The following TTN variants were observed in gnomAD, a reference collection of about 807,000 sequenced individuals.
TTN encodes the protein titin, also known as connectin.
A neutral mutation model predicts 3,223.0 loss-of-function variants in TTN; 1,525 were observed. The observed-to-expected ratio is 0.47, with a 90% CI of 0.45 to 0.49. The LOEUF (loss-of-function observed/expected upper bound fraction) is 0.49, where lower values mean the gene tolerates loss of function less well. TTN is among the 20% of genes least tolerant of loss of function. The pLI is 0.00. For missense variants in TTN, 40,786 were observed against 43,424.0 expected, an observed-to-expected ratio of 0.94 and a Z score of 5.40; for synonymous variants, 14,094 against 15,161.0, an observed-to-expected ratio of 0.93 and a Z score of 5.17.
At position 178,766,590 on chromosome 2, in the gene TTN, A is replaced by C; in HGVS notation, c.9494T>G (p.Val3165Gly). 1 of 1,613,956 alleles carries C rather than the reference A, an allele frequency of 6.2e-7. No individual in the cohort carries two copies. The highest frequency in any genetic ancestry group is 8.5e-7 in the Non-Finnish European group (1 of 1,179,912). The change falls in exon 41 of 363, where the codon GTT becomes GGT. Residue 3165 changes from valine to glycine, a missense_variant. Coordinates refer to ENST00000589042, the MANE Select transcript of TTN (RefSeq NM_001267550.2). ...GTCTTCATTGACCTCAAATTCAACAACAGCACGCTGTTTCTCAATGACCTG... is the reference window on the plus strand; with the variant it reads ...GTCTTCATTGACCTCAAATTCAACACCAGCACGCTGTTTCTCAATGACCTG... ...EVQVIEKQRA[V>G]VEFEVNEDDV...
Position 178,751,901 on chromosome 2 carries a change from T to C in TTN, c.11311+1223A>G, listed in dbSNP as rs781312451. 2.2e-5 allele frequency: 36 copies of C among 1,603,070 alleles called. No homozygotes were observed. In the South Asian group the frequency reaches 3.9e-4, roughly 18 times the overall value. On this transcript the variant is annotated intron_variant, in intron 47 of 362. Transcript: ENST00000589042. ...CTGGGTAAAAGAAGGCTTAAAATAT[T>C]CAGGCCAGGAGCTTGTAGATGATAT...
At position 178,558,576 on chromosome 2, in the gene TTN, C is replaced by T. The variant is rs1484822645; in HGVS notation, c.86883G>A (p.Leu28961=). ...CATCATGTTCAGGCTTCAGCCAGGT[C>T]AGGGAAACACTGTCTTTGGATATAC... ...VTSISKDSVS[L]TWLKPEHDGG... The change falls in exon 327 of 363, where the codon CTG becomes CTA. Residue 28961 remains leucine (L), a synonymous_variant. Transcript: ENST00000589042. The T allele has an allele frequency of 7.4e-6, 12 of 1,613,726 alleles. No individual in the cohort carries two copies. Among genetic ancestry groups the T allele is most frequent in the Non-Finnish European group, 1.0e-5 (12 of 1,179,788 alleles).
Position 178,672,161 on chromosome 2 carries a change from C to T in TTN, c.35037G>A (p.Pro11679=), listed in dbSNP as rs369095270. The T allele has an allele frequency of 2.2e-4, 356 of 1,595,374 alleles. 1 individual carries two copies. Among genetic ancestry groups the T allele is most frequent in the South Asian group, 4.6e-4 (41 of 89,798 alleles). ...EVVEAEVEEI[P]EEEEFHEVEE... ...CAACTTCATGGAACTCTTCTTCTTC[C>T]GGAATTTCTTCCACTTCTGCTTCTA... The change falls in exon 155 of 363, where the codon CCG becomes CCA. Residue 11679 remains proline, a synonymous_variant. Transcript: ENST00000589042.
Position 178,685,316 on chromosome 2 carries a change from C to G in TTN, c.32407G>C (p.Glu10803Gln). Residue 10803 changes from glutamate (E) to glutamine (Q), a missense_variant, in exon 129 of 363, where the codon GAG becomes CAG. Coordinates refer to ENST00000589042, the MANE Select transcript of TTN (RefSeq NM_001267550.2). ...AEPAEVTERQ[E>Q]KKIVLKPKIP... The stretch of plus-strand genomic sequence containing the variant: ...TTTGGTTTCAGTACAATTTTCTTCT[C>G]CTGCCTCTCTGTCACTTGAAAAGAT... The G allele has an allele frequency of 6.4e-7, 1 of 1,551,446 alleles. No homozygotes were observed. The highest frequency in any genetic ancestry group is 8.7e-7 in the Non-Finnish European group (1 of 1,147,066).
chr2:178,583,518 C>T, intron 312 of TTN, 89 bp downstream of exon 312: 8 of 1,305,976 alleles, frequency 6.1e-6, no homozygotes, highest in African/African-American at 3.0e-5. Flanking sequence ...TTCCTTTTTT[C>T]CTTAGGTGTA....
rs2080721090 is a variant in TTN at position 178,732,456 on chromosome 2, T to C, written c.16605A>G (p.Ala5535=). The C allele has an allele frequency of 6.2e-7, 1 of 1,607,112 alleles. No homozygotes were observed. Among genetic ancestry groups the C allele is most frequent in the African/African-American group, 1.3e-5 (1 of 74,698 alleles). The part of the protein sequence containing the change: ...SNVAGGVECS[A]NLFVKEPATF... The stretch of plus-strand genomic sequence containing the variant: ...AATGCAAACCTTTTACAAACAAGTT[T>C]GCACTGCATTCCACCCCTCCAGCGA... The change falls in exon 56 of 363, where the codon GCA becomes GCG. Residue 5535 remains alanine (A), a synonymous_variant. Coordinates refer to ENST00000589042, the MANE Select transcript of TTN (RefSeq NM_001267550.2).
intron 99 of TTN, among the ~76,000 whole-genome samples, chr2:178,708,981 T>A (rs908207712): frequency 1.3e-5 from 2 of 152,232 alleles, no homozygotes; most frequent in African/African-American, 4.8e-5. Flanking sequence ...TCTCAAGCGA[T>A]GATTGTGTAT....
rs553017488 is a variant in TTN at position 178,618,313 on chromosome 2, C to T, written c.47145G>A (p.Glu15715=). The part of the protein sequence containing the change: ...VLATDRAESC[E]FTVTGLQKGG... ...CTTTCTGTAGACCAGTGACAGTAAA[C>T]TCACAACTCTCTGCACGGTCTGTGG... The change falls in exon 252 of 363, where the codon GAG becomes GAA. Residue 15715 remains glutamate, a synonymous_variant. Coordinates refer to ENST00000589042, the MANE Select transcript of TTN (RefSeq NM_001267550.2). 1.2e-6 allele frequency: 2 copies of T among 1,612,674 alleles called. No individual in the cohort carries two copies. The highest frequency in any genetic ancestry group is 1.7e-6 in the Non-Finnish European group (2 of 1,179,136).
At chr2:178,627,055 G>C (rs774365520) in intron 240 of TTN, among the ~76,000 whole-genome samples, 16 of 151,928 alleles carry the variant, frequency 1.1e-4, no homozygotes, top group Admixed American at 2.0e-4. Context: ...AATAATGTTA[G>C]AGATTTTAAA....
Position 178,749,890 on chromosome 2 carries a change from A to G in TTN, c.11311+3234T>C, listed in dbSNP as rs781277682. ...CAAGAATGATGGAATCCCCTTCTCT[A>G]CACCTGGCATGCTTTGGCATTTCTT... On this transcript the variant is annotated intron_variant, in intron 47 of 362. Coordinates refer to ENST00000589042, the MANE Select transcript of TTN (RefSeq NM_001267550.2). 13 of 1,612,996 alleles carry G rather than the reference A, an allele frequency of 8.1e-6. No individual in the cohort carries two copies. Among genetic ancestry groups the G allele is most frequent in the Non-Finnish European group, 1.1e-5 (13 of 1,179,484 alleles).
At position 178,729,545 on chromosome 2, in the gene TTN, T is replaced by C; in HGVS notation, c.18611A>G (p.Glu6204Gly). ...KVKEPPTFIR[E>G]LKPVEVVKYS... The stretch of plus-strand genomic sequence containing the variant: ...TTTTACTACCTCCACAGGCTTCAGC[T>C]CTCTGATAAAGGTGGGGGGTTCTAA... Residue 6204 changes from glutamate to glycine, a missense_variant, in exon 64 of 363, where the codon GAG (glutamate) becomes GGG (glycine). Glu to Gly is a moderately conservative substitution (Grantham distance 98, BLOSUM62 -2). Transcript: ENST00000589042. The C allele has an allele frequency of 6.2e-7, 1 of 1,612,994 alleles. No individual in the cohort carries two copies. Among genetic ancestry groups the C allele is most frequent in the African/African-American group, 1.3e-5 (1 of 74,948 alleles).
chr2:178,652,966 T>C (rs778368393), intron 199 of TTN, 35 bp from the exon 200 acceptor site: 30 of 1,600,386 alleles, frequency 1.9e-5, no homozygotes, highest in South Asian at 3.4e-5. Context: ...ATTTAGAAGT[T>C]TGAAGACCAC....
At chr2:178,625,208 T>G in intron 241 of TTN, 65 bp downstream of exon 241, 2 of 1,540,794 alleles carry the variant, frequency 1.3e-6, no homozygotes, top group Non-Finnish European at 8.7e-7. Flanking sequence ...TAAAGATAAT[T>G]GAGAGTTGGC....
chr2:178,613,631 G>T, intron 263 of TTN, 120 bp downstream of exon 263: 1 of 1,022,982 alleles, frequency 9.8e-7, no homozygotes, highest in Non-Finnish European at 1.4e-6. Flanking sequence ...GAAAATATGA[G>T]TAAAAGTAGT....
Position 178,768,018 on chromosome 2 carries a change from C to T in TTN, c.9301G>A (p.Asp3101Asn). The T allele has an allele frequency of 6.2e-7, 1 of 1,614,140 alleles. No individual in the cohort carries two copies. Among genetic ancestry groups the T allele is most frequent in the Non-Finnish European group, 8.5e-7 (1 of 1,180,010 alleles). Residue 3101 changes from aspartate (D) to asparagine (N), a missense_variant, in exon 39 of 363, where the codon GAC (aspartate) becomes AAC (asparagine). By Grantham distance (23) the Asp-to-Asn change is conservative. Transcript: ENST00000589042. ...MKDDQELQIT[D>N]RIKIQKEKYV... ...TAGCAAGACAAAACAACTGACCTGT[C>T]TGTGATCTGCAGTTCCTGGTCATCT... is the stretch of plus-strand genomic sequence containing the variant.
chr2:178,684,505 A>G, intron 131 of TTN, 92 bp from the exon 132 acceptor site: 2 of 1,436,250 alleles, frequency 1.4e-6, no homozygotes, highest in Non-Finnish European at 1.9e-6. Flanking sequence ...GAATAGAAGA[A>G]TTTACAAGGC....
intron 163 of TTN, among the ~76,000 whole-genome samples, chr2:178,666,127 C>T (rs1372030224): frequency 6.6e-6 from 1 of 152,064 alleles, no homozygotes; most frequent in Non-Finnish European, 1.5e-5. Flanking sequence ...TCTAGGTCGG[C>T]ATTTTTTTGT....
Position 178,616,766 on chromosome 2 carries a change from C to T in TTN, c.48123G>A (p.Val16041=), listed in dbSNP as rs2057418644. 6.2e-7 allele frequency: 1 copy of T among 1,612,678 alleles called. No individual in the cohort carries two copies. Among genetic ancestry groups the T allele is most frequent in the Non-Finnish European group, 8.5e-7 (1 of 1,179,186 alleles). The change falls in exon 256 of 363, where the codon GTG becomes GTA. Residue 16041 remains valine (V), a synonymous_variant. Transcript: ENST00000589042. ...GIYTLKLENR[V]KTISGEIDVN... is the part of the protein sequence containing the mutation. Reference sequence around the variant, plus strand: ...CATCAATTTCCCCAGAAATTGTTTTCACACGGTTTTCTAATTTCAGTGTAT... The same window carrying T: ...CATCAATTTCCCCAGAAATTGTTTTTACACGGTTTTCTAATTTCAGTGTAT...
At position 178,597,750 on chromosome 2, in the gene TTN, C is replaced by T. The variant is rs375808207; in HGVS notation, c.57332G>A (p.Arg19111Gln). The T allele has an allele frequency of 1.1e-5, 17 of 1,613,046 alleles. No homozygotes were observed. Among genetic ancestry groups the T allele is most frequent in the African/African-American group, 2.7e-5 (2 of 74,866 alleles). The change falls in exon 294 of 363, where the codon CGA (arginine) becomes CAA (glutamine). Residue 19111 changes from arginine to glutamine, a missense_variant. Transcript: ENST00000589042. ...RIVVHAGGVI[R>Q]IIAYVSGKPP... The stretch of plus-strand genomic sequence containing the variant: ...CTTTCCAGACACATAGGCAATGATT[C>T]GGATCACCCCTCCAGCATGGACAAC...
Sources: allele counts gnomAD v4.1 joint callset (sites outside exome capture counted in the v4.1 genomes callset), GRCh38; gene constraint gnomAD v4.1.1; transcripts MANE v1.5; gene names NCBI Gene and HGNC (gene_info 2026-07-23, HGNC 2026-07-21).